CLUL1: variants seen among roughly 807,000 people sequenced by gnomAD.
CLUL1 encodes clusterin like 1.
Under a neutral mutation model 49.4 loss-of-function variants are expected in CLUL1, and 43 were observed. The ratio of observed to expected loss-of-function variants is 0.87; its 90% CI spans 0.68 to 1.12. CLUL1 has a LOEUF of 1.12. Ranked by LOEUF, CLUL1 falls within the 50% of genes most tolerant of loss-of-function variation. The pLI, the probability that CLUL1 is intolerant of heterozygous loss-of-function variation, is 0.00. For synonymous variants in CLUL1, 192 were observed against 184.9 expected (o/e 1.04, Z -0.31); for missense variants, 486 against 544.4 (o/e 0.89, Z 1.07).
chr18:598,160 T>C (rs2072711054), intron 1 of CLUL1: 1 of 163,240 alleles, frequency 6.1e-6, no homozygotes, highest in South Asian at 2.0e-4. Flanking sequence ...TTTCTAAAAA[T>C]ATGCAGCAGC....
intron 5 of CLUL1, among the ~76,000 whole-genome samples, chr18:626,858 CTCAAATA>C (rs781120551): frequency 8.8e-6 from 1 of 113,384 alleles, no homozygotes; most frequent in Non-Finnish European, 1.8e-5. Context: ...AAGACTCCAT[CTCAAATA>C]AGAAAGAAAG....
chr18:637,237 C>T (rs565530208), intron 7 of CLUL1, among the ~76,000 whole-genome samples: 9 of 152,058 alleles, frequency 5.9e-5, no homozygotes, highest in South Asian at 4.1e-4. Context: ...CCACCTGCCT[C>T]GGCCTCCCAA....
At position 613,127 on chromosome 18, in the gene CLUL1, T is replaced by G. The variant is rs1452309068; in HGVS notation, c.-13-4861T>G. ...TTTTGCTACTTATGTTATATGAAAC[T>G]AAAACAATTATTTTATTGTATTTTT... On this transcript the variant is annotated intron_variant, in intron 2 of 9. Transcript: ENST00000692774. 2 of 371,466 alleles carry G rather than the reference T, an allele frequency of 5.4e-6. 1 individual carries two copies. Among genetic ancestry groups the G allele is most frequent in the South Asian group, 1.5e-4 (2 of 13,418 alleles). The allele number at this position is 371,466 out of a possible 1,614,324, so 23.0% of individuals were successfully genotyped here.
At chr18:621,570 G>A (rs914146190) in intron 4 of CLUL1, among the ~76,000 whole-genome samples, 7 of 152,150 alleles carry the variant, frequency 4.6e-5, no homozygotes, top group Non-Finnish European at 7.3e-5. Context: ...GATCTTCCCT[G>A]GTGGGCTTGT....
chr18:636,439 T>C (rs1313144035), intron 7 of CLUL1, among the ~76,000 whole-genome samples: 1 of 152,216 alleles, frequency 6.6e-6, no homozygotes, highest in Non-Finnish European at 1.5e-5. Flanking sequence ...CTTTCCATTG[T>C]GCAAATTAAT....
chr18:646,414 C>T (rs1465974802), intron 9 of CLUL1, among the ~76,000 whole-genome samples: 1 of 150,808 alleles, frequency 6.6e-6, no homozygotes, highest in Non-Finnish European at 1.5e-5. Context: ...GGAACTGGTA[C>T]TCTGAAAGAG....
At chr18:612,206 C>T (rs1231616926) in intron 2 of CLUL1, among the ~76,000 whole-genome samples, 2 of 152,192 alleles carry the variant, frequency 1.3e-5, no homozygotes, top group Non-Finnish European at 1.5e-5. Flanking sequence ...TATTGTTGCC[C>T]TTTGGGAAAT....
chr18:616,682 G>A (rs1355763995), intron 2 of CLUL1: 24 of 973,946 alleles, frequency 2.5e-5, no homozygotes, highest in African/African-American at 3.5e-5. Context: ...TCCCTGACAC[G>A]GATGAAAATT....
chr18:608,591 G>A (rs976773665), intron 2 of CLUL1, among the ~76,000 whole-genome samples: 6 of 152,172 alleles, frequency 3.9e-5, no homozygotes, highest in Non-Finnish European at 8.8e-5. Flanking sequence ...AGTGGCTCAT[G>A]CCTGTAGTCT....
chr18:638,164 A>G (rs971591203), intron 7 of CLUL1, among the ~76,000 whole-genome samples: 1 of 152,200 alleles, frequency 6.6e-6, no homozygotes, highest in Admixed American at 6.5e-5. Flanking sequence ...TCATTATTCA[A>G]ATATTTGTTT....
intron 5 of CLUL1, among the ~76,000 whole-genome samples, chr18:626,856 A>T (rs1437708809): frequency 8.2e-6 from 1 of 121,804 alleles, no homozygotes; most frequent in Non-Finnish European, 1.7e-5. Flanking sequence ...GCAAGACTCC[A>T]TCTCAAATAA....
intron 5 of CLUL1, among the ~76,000 whole-genome samples, chr18:625,556 CA>C (rs1823588702): frequency 6.6e-6 from 1 of 151,084 alleles, no homozygotes; most frequent in African/African-American, 2.4e-5. Context: ...CACACACACA[CA>C]CACCCCTTCA....
intron 7 of CLUL1, among the ~76,000 whole-genome samples, chr18:636,611 A>G (rs1169385724): frequency 1.4e-5 from 2 of 144,506 alleles, no homozygotes; most frequent in Admixed American, 7.0e-5. Flanking sequence ...AGTCGACAAC[A>G]CTCCCTTTCT....
At chr18:603,211 C>T (rs117266096) in intron 1 of CLUL1, among the ~76,000 whole-genome samples, 2 of 152,054 alleles carry the variant, frequency 1.3e-5, no homozygotes, top group African/African-American at 4.8e-5. Flanking sequence ...ATCCCAAGTC[C>T]CCGAGACAAA....
intron 2 of CLUL1, among the ~76,000 whole-genome samples, chr18:614,044 C>T (rs188172568): frequency 1.5e-3 from 226 of 152,196 alleles, no homozygotes; most frequent in African/African-American, 5.1e-3. Flanking sequence ...TATGAGAGGA[C>T]GATGAGGTCC....
At chr18:641,147 T>G (rs2074332998) in intron 7 of CLUL1, among the ~76,000 whole-genome samples, 180 bp from the exon 8 acceptor site, 1 of 152,170 alleles carries the variant, frequency 6.6e-6, no homozygotes, top group Non-Finnish European at 1.5e-5. Context: ...TTAAACTGGA[T>G]CTGGTTTGAC....
At chr18:616,309 CA>C (rs2143987592) in intron 2 of CLUL1, among the ~76,000 whole-genome samples, 1 of 152,194 alleles carries the variant, frequency 6.6e-6, no homozygotes, top group South Asian at 2.1e-4. Context: ...AGAAAACAAA[CA>C]AACAAAGATG....
In CLUL1 at chr18:628,687, A is replaced by G. The variant is rs1362007883; in HGVS notation, c.856+1158A>G. 2.3e-5 allele frequency among the ~76,000 whole-genome samples: 3 copies of G among 127,748 alleles called. No homozygotes were observed. In the East Asian group the frequency reaches 6.8e-4, roughly 29 times the overall value. 83.8% of individuals were successfully genotyped at this position (127,748 alleles called of 152,430 possible). A position where few individuals can be genotyped will look rare whatever the true frequency, so the allele number is the denominator to read the frequency against. On this transcript the variant is annotated intron_variant, in intron 6 of 9. Coordinates refer to ENST00000692774, the MANE Select transcript of CLUL1 (RefSeq NM_001393344.1). ...AGTGTTGCTCTGTTGTCCAGGCTGT[A>G]TTGGTGTGATCTCGGCTCACTGCAA...
chr18:645,114 G>T lies in CLUL1; in HGVS notation c.1397+17G>T. The T allele has an allele frequency of 6.4e-7, 1 of 1,555,182 alleles. No individual in the cohort carries two copies. Among genetic ancestry groups the T allele is most frequent in the African/African-American group, 1.4e-5 (1 of 72,722 alleles). On this transcript the variant is annotated intron_variant, in intron 9 of 9. Transcript: ENST00000692774. ...TAAAACCTGGTAAGCAGAGTGCCTG[G>T]TTAGGAATGCCTTGTTGACAGGAAT...
Sources: gnomAD v4.1 joint callset for allele counts (sites outside exome capture counted in the v4.1 genomes callset) on GRCh38, gnomAD v4.1.1 for gene constraint, MANE v1.5 for transcripts, NCBI Gene and HGNC (gene_info 2026-07-23, HGNC 2026-07-21) for gene names.